The following USP6NL variants were observed in gnomAD, a reference collection of about 807,000 sequenced individuals.
USP6NL encodes USP6 N-terminal like.
In USP6NL, 26 loss-of-function variants were observed where a neutral mutation model predicts 61.9. The observed-to-expected ratio is 0.42, with a 90% CI of 0.31 to 0.58. The LOEUF (loss-of-function observed/expected upper bound fraction) is 0.58, where lower values mean the gene tolerates loss of function less well. USP6NL is among the 20% of genes least tolerant of loss of function. The pLI is 0.16. For synonymous variants in USP6NL, 432 were observed against 390.1 expected, an observed-to-expected ratio of 1.11 and a Z score of -1.27; for missense variants, 1,114 against 1,034.3, an observed-to-expected ratio of 1.08 and a Z score of -1.06.
Position 11,595,152 on chromosome 10 carries a change from G to C in USP6NL, c.4+2479C>G, listed in dbSNP as rs1457426069. ...TTCCCCTTCTTCACACAAACACACA[G>C]AAATAACAGGTGAAAGAGAAGCACA... is the stretch of plus-strand genomic sequence containing the variant. On this transcript the variant is annotated intron_variant, in intron 2 of 14. Transcript: ENST00000609104. The surrounding 1 kb of genome is among the most constrained non-coding windows in gnomAD (Gnocchi z 5.3). Among the ~76,000 whole-genome samples, 2 of 152,198 alleles carry C rather than the reference G, an allele frequency of 1.3e-5. No individual in the cohort carries two copies. The highest frequency in any genetic ancestry group is 2.4e-5 in the African/African-American group (1 of 41,432).
chr10:11,498,460 T>C (rs1834040521), intron 7 of USP6NL, among the ~76,000 whole-genome samples: 1 of 151,512 alleles, frequency 6.6e-6, no homozygotes. Context: ...GGATAGTAAA[T>C]CCTACCCCTG....
In USP6NL at chr10:11,482,489, T is replaced by C. The variant is rs1202049050; in HGVS notation, c.926-567A>G. Among the ~76,000 whole-genome samples the C allele has an allele frequency of 1.3e-5, 2 of 152,244 alleles. No individual in the cohort carries two copies. Among genetic ancestry groups the C allele is most frequent in the African/African-American group, 4.8e-5 (2 of 41,472 alleles). On this transcript the variant is annotated intron_variant, in intron 13 of 14. Coordinates refer to ENST00000609104, the MANE Select transcript of USP6NL (RefSeq NM_014688.5). The surrounding 1 kb of genome is among the most constrained non-coding windows in gnomAD (Gnocchi z 4.0). The stretch of plus-strand genomic sequence containing the variant: ...ATAATACCCTACATAATACACCTCA[T>C]TACATAACACCCTACAGGTAGATCC...
chr10:11,508,121 C>G (rs957169605), intron 6 of USP6NL, among the ~76,000 whole-genome samples: 3 of 152,216 alleles, frequency 2.0e-5, no homozygotes, highest in Admixed American at 6.5e-5. Flanking sequence ...AAAATCCCAA[C>G]AGTTAACTCA....
At chr10:11,544,781 G>C (rs938056398) in intron 2 of USP6NL, among the ~76,000 whole-genome samples, 2 of 152,062 alleles carry the variant, frequency 1.3e-5, no homozygotes, top group African/African-American at 4.8e-5. Context: ...GAGCCACCAC[G>C]CCTGGCCAGT....
At chr10:11,527,013 G>C (rs1320678760) in intron 3 of USP6NL, among the ~76,000 whole-genome samples, 1 of 152,166 alleles carries the variant, frequency 6.6e-6, no homozygotes. Flanking sequence ...TGAGTGCCTA[G>C]TGTGAATCAG....
At chr10:11,527,795 T>C (rs1239076322) in intron 2 of USP6NL, among the ~76,000 whole-genome samples, 2 of 152,224 alleles carry the variant, frequency 1.3e-5, no homozygotes, top group African/African-American at 2.4e-5. Context: ...ACTTAGGACA[T>C]GATAAATCTT....
At chr10:11,576,055 G>A (rs552521972) in intron 2 of USP6NL, among the ~76,000 whole-genome samples, 2 of 151,286 alleles carry the variant, frequency 1.3e-5, no homozygotes, top group African/African-American at 4.9e-5. Flanking sequence ...AATAGTTACG[G>A]GTAAATACTT....
rs894900612 is a variant in USP6NL at position 11,611,057 on chromosome 10, T to C, written c.-84+386A>G. Among the ~76,000 whole-genome samples the C allele has an allele frequency of 6.6e-6, 1 of 152,116 alleles. No individual in the cohort carries two copies. The highest frequency in any genetic ancestry group is 1.5e-5 in the Non-Finnish European group (1 of 67,996). ...AGGCAGTCATTTAAAGGCACGAAGT[T>C]TGCCCGGGTCCTGCCCACTGGGGCT... On this transcript the variant is annotated intron_variant, in intron 1 of 14. Transcript: ENST00000609104. This position sits in a 1 kb window ranked among gnomAD's most constrained non-coding sequence, Gnocchi z 5.3.
At chr10:11,572,901 AAAAGT>A (rs1168161109) in intron 2 of USP6NL, among the ~76,000 whole-genome samples, 1 of 152,160 alleles carries the variant, frequency 6.6e-6, no homozygotes, top group Admixed American at 6.5e-5. Flanking sequence ...TAAATGCTTA[AAAAGT>A]AAAATATATA....
chr10:11,472,779 A>C (rs1013266492), intron 14 of USP6NL, among the ~76,000 whole-genome samples: 1 of 152,202 alleles, frequency 6.6e-6, no homozygotes, highest in African/African-American at 2.4e-5. Context: ...TAATTTTTTT[A>C]AAGTTCAAAA....
intron 4 of USP6NL, among the ~76,000 whole-genome samples, chr10:11,519,663 A>C (rs940137618): frequency 5.3e-5 from 8 of 151,588 alleles, no homozygotes; most frequent in African/African-American, 2.0e-4. Flanking sequence ...AATAAATAAG[A>C]ATGCTTCACT....
intron 6 of USP6NL, among the ~76,000 whole-genome samples, chr10:11,502,173 G>A (rs1260463718): frequency 1.3e-5 from 2 of 151,734 alleles, no homozygotes; most frequent in African/African-American, 4.8e-5. Context: ...GCAGGAGAAT[G>A]GCGTGAACCC....
chr10:11,483,601 GGGGGAGGGGGAGAGGGGGGGAGAAGGGGA>G (rs1833313779), intron 13 of USP6NL, among the ~76,000 whole-genome samples: 3 of 18,358 alleles, frequency 1.6e-4, no homozygotes, highest in Non-Finnish European at 3.4e-4. Context: ...AGAGGGGGAG[GGGGGAGGGGGAGAGGGGGGGAGAAGGGGA>G]GGGAGAGGGG....
Position 11,589,013 on chromosome 10 carries a change from C to T in USP6NL, c.4+8618G>A, listed in dbSNP as rs1284173759. ...CACTAACACTGATTATTTTAAAAACCACAATGGCCCTATTGCCCCCATGTA... is the reference window on the plus strand; with the variant it reads ...CACTAACACTGATTATTTTAAAAACTACAATGGCCCTATTGCCCCCATGTA... On this transcript the variant is annotated intron_variant, in intron 2 of 14. Coordinates refer to ENST00000609104, the MANE Select transcript of USP6NL (RefSeq NM_014688.5). The surrounding 1 kb of genome is among the most constrained non-coding windows in gnomAD (Gnocchi z 4.7). 6.6e-6 allele frequency among the ~76,000 whole-genome samples: 1 copy of T among 152,090 alleles called. No homozygotes were observed. The highest frequency in any genetic ancestry group is 1.5e-5 in the Non-Finnish European group (1 of 68,008).
intron 2 of USP6NL, among the ~76,000 whole-genome samples, chr10:11,572,063 T>C (rs1312225134): frequency 6.6e-6 from 1 of 151,808 alleles, no homozygotes; most frequent in African/African-American, 2.4e-5. Flanking sequence ...TATCTATATA[T>C]GAGCATTTTA....
chr10:11,594,974 C>T (rs1447917208), intron 2 of USP6NL, among the ~76,000 whole-genome samples: 6 of 152,164 alleles, frequency 3.9e-5, no homozygotes, highest in Non-Finnish European at 4.4e-5. Flanking sequence ...GGAGAAGCAG[C>T]GCACAGGGCT....
intron 2 of USP6NL, among the ~76,000 whole-genome samples, chr10:11,557,263 C>T (rs1836741949): frequency 6.6e-6 from 1 of 152,176 alleles, no homozygotes; most frequent in East Asian, 1.9e-4. Context: ...TAAAACTAGA[C>T]AACTCCTTAG....
intron 2 of USP6NL, among the ~76,000 whole-genome samples, chr10:11,555,451 T>TAG (rs71477267): frequency 0.068 from 4,153 of 60,770 alleles, 237 homozygotes; most frequent in Middle Eastern, 0.11. Flanking sequence ...TATATATATA[T>TAG]AGAGAGAGAG....
chr10:11,593,503 G>GA (rs1838223114), intron 2 of USP6NL, among the ~76,000 whole-genome samples: 2 of 151,884 alleles, frequency 1.3e-5, no homozygotes, highest in African/African-American at 4.8e-5. Flanking sequence ...TTCCATCTGA[G>GA]AAAAACAAAA....
Sources: gnomAD v4.1 joint callset for allele counts (sites outside exome capture counted in the v4.1 genomes callset) on GRCh38, gnomAD v4.1.1 for gene constraint, Gnocchi (gnomAD v3.1) non-coding constraint, MANE v1.5 for transcripts, NCBI Gene and HGNC (gene_info 2026-07-23, HGNC 2026-07-21) for gene names.